Variants in RABGEF1 observed in about 807,000 individuals in gnomAD.
RABGEF1 encodes RAB guanine nucleotide exchange factor 1.
In RABGEF1, 26 loss-of-function variants were observed where a neutral mutation model predicts 57.3. The ratio of observed to expected loss-of-function variants is 0.45; its 90% confidence interval spans 0.33 to 0.63. The LOEUF (loss-of-function observed/expected upper bound fraction) is 0.63. Ranked by LOEUF, RABGEF1 falls within the 20% of genes least tolerant of loss-of-function variation. The pLI is 0.02. For missense variants in RABGEF1, 464 were observed against 607.6 expected (o/e 0.76, Z 2.48); for synonymous variants, 185 against 210.7 (o/e 0.88, Z 1.06).
intron 2 of RABGEF1, among the ~76,000 whole-genome samples, chr7:66,720,386 C>T (rs1402623854): frequency 2.6e-5 from 4 of 151,128 alleles, no homozygotes; most frequent in Non-Finnish European, 5.9e-5. Flanking sequence ...TTAGTAGAGA[C>T]GGGGTTTCGC....
chr7:66,737,093 C>CGAGAGCGAGAGA (rs1257111357), upstream of RABGEF1, among the ~76,000 whole-genome samples: 3 of 127,374 alleles, frequency 2.4e-5, no homozygotes, highest in African/African-American at 8.9e-5. Context: ...AGAGCGAGAG[C>CGAGAGCGAGAGA]GAGAGAGAGA....
intron 8 of RABGEF1, among the ~76,000 whole-genome samples, chr7:66,806,905 C>T (rs1229852766): frequency 6.6e-6 from 1 of 152,094 alleles, no homozygotes; most frequent in Admixed American, 6.6e-5. Context: ...CAGTTTCCCA[C>T]AGTGTTGGGA....
At chr7:66,686,150 G>T (rs189869265) in intron 1 of RABGEF1, among the ~76,000 whole-genome samples, 103 of 152,226 alleles carry the variant, frequency 6.8e-4, no homozygotes, top group Non-Finnish European at 1.1e-3. Flanking sequence ...GCATGGTGGT[G>T]TGTGCCTGTG....
chr7:66,789,292 A>C (rs1157309474), intron 4 of RABGEF1, among the ~76,000 whole-genome samples: 1 of 152,198 alleles, frequency 6.6e-6, no homozygotes, highest in Admixed American at 6.6e-5. Context: ...CCAGGACCTA[A>C]TTTTAAAACT....
chr7:66,754,358 T>A (rs1027901161), intron 1 of RABGEF1, among the ~76,000 whole-genome samples: 1 of 151,642 alleles, frequency 6.6e-6, no homozygotes, highest in African/African-American at 2.4e-5. Flanking sequence ...AGGTGGCAGG[T>A]TTTTTCTTTC....
intron 1 of RABGEF1, among the ~76,000 whole-genome samples, chr7:66,754,021 G>A (rs1027847911): frequency 1.7e-5 from 2 of 119,474 alleles, no homozygotes; most frequent in Non-Finnish European, 3.5e-5. Flanking sequence ...TTTTTTTTTT[G>A]AGACAGAGTC....
intron 2 of RABGEF1, chr7:66,773,730 A>G (rs548371498): frequency 8.8e-6 from 4 of 453,844 alleles, no homozygotes; most frequent in East Asian, 1.4e-4. Flanking sequence ...CAATGGTGCA[A>G]TTTCAACTTA....
intron 1 of RABGEF1, among the ~76,000 whole-genome samples, chr7:66,744,846 G>C (rs1799836377): frequency 6.6e-6 from 1 of 152,006 alleles, no homozygotes; most frequent in South Asian, 2.1e-4. Context: ...TAACTGATTT[G>C]ATAAGAATAA....
chr7:66,660,163 C>G, the RABGEF1 span, among the ~76,000 whole-genome samples: 3 of 151,624 alleles, frequency 2.0e-5, no homozygotes, highest in Non-Finnish European at 2.9e-5. Context: ...CTGGCTAACA[C>G]GGTGAAACCC....
intron 2 of RABGEF1, among the ~76,000 whole-genome samples, chr7:66,732,202 C>T (rs1279277755): frequency 1.3e-5 from 2 of 152,224 alleles, no homozygotes; most frequent in Non-Finnish European, 2.9e-5. Flanking sequence ...CCTGGAGCAC[C>T]GTCCATAAGC....
intron 3 of RABGEF1, among the ~76,000 whole-genome samples, chr7:66,779,036 A>G (rs1484916242): frequency 6.6e-6 from 1 of 151,834 alleles, no homozygotes; most frequent in Non-Finnish European, 1.5e-5. Context: ...AATCGCTTGA[A>G]CCCGGGGAGT....
intron 1 of RABGEF1, among the ~76,000 whole-genome samples, chr7:66,708,370 C>A (rs547718016): frequency 7.9e-5 from 12 of 151,976 alleles, no homozygotes; most frequent in Non-Finnish European, 1.6e-4. Context: ...TCACTGCAAC[C>A]TTCGCTTCCT....
intron 8 of RABGEF1, among the ~76,000 whole-genome samples, chr7:66,806,489 G>C (rs1169011816): frequency 1.3e-5 from 2 of 152,076 alleles, no homozygotes; most frequent in Non-Finnish European, 2.9e-5. Flanking sequence ...GTGATTTATA[G>C]GTGGAGGGAC....
intron 8 of RABGEF1, among the ~76,000 whole-genome samples, chr7:66,807,200 T>C (rs1788624025): frequency 6.6e-6 from 1 of 152,160 alleles, no homozygotes; most frequent in Admixed American, 6.6e-5. Context: ...TTAAGTACAT[T>C]TGTGCCTTCT....
intron 3 of RABGEF1, among the ~76,000 whole-genome samples, chr7:66,781,386 T>C (rs1319367573): frequency 1.3e-5 from 2 of 152,260 alleles, no homozygotes; most frequent in Admixed American, 6.5e-5. Flanking sequence ...TATTATACTT[T>C]AAGTTCTGGG....
chr7:66,727,558 G>A lies in RABGEF1; in HGVS notation c.-814-12438G>A, dbSNP rs563884946. 3.3e-5 allele frequency among the ~76,000 whole-genome samples: 5 copies of A among 152,372 alleles called. No individual in the cohort carries two copies. The East Asian group carries it at 7.7e-4, about 23-fold the overall frequency. ...TGACCTGGGTGGACCCAGCTTGGGT[G>A]GAGAGATGAGATGTTTGGTTCTCTG... On this transcript the variant is annotated intron_variant and NMD_transcript_variant, in intron 2 of 9. Coordinates refer to the RABGEF1 transcript ENST00000607882.
At chr7:66,770,493 T>C (rs1300265572) in intron 1 of RABGEF1, 1 of 152,262 alleles carries the variant, frequency 6.6e-6, no homozygotes, top group Admixed American at 6.5e-5. Flanking sequence ...TTTTCTCTTC[T>C]CTTCTCTCTA....
intron 2 of RABGEF1, among the ~76,000 whole-genome samples, chr7:66,718,501 AT>A (rs1434909866): frequency 3.3e-5 from 5 of 151,990 alleles, no homozygotes; most frequent in African/African-American, 1.2e-4. Flanking sequence ...ATAATTTTGA[AT>A]TGTGTTTTGG....
At chr7:66,752,125 A>G (rs2659889) in intron 1 of RABGEF1, among the ~76,000 whole-genome samples, 75,910 of 151,748 alleles carry the variant, frequency 0.5, 19,964 homozygotes, top group East Asian at 0.74. Context: ...TTGAGGCCAG[A>G]CGTTTGAGGC....
Sources: allele counts gnomAD v4.1 joint callset (sites outside exome capture counted in the v4.1 genomes callset), GRCh38; gene constraint gnomAD v4.1.1; transcripts MANE v1.5; gene names NCBI Gene and HGNC (gene_info 2026-07-23, HGNC 2026-07-21).